The following KHDRBS2 variants were observed in gnomAD, a reference collection of about 807,000 sequenced individuals.
KHDRBS2 encodes the protein KH domain-containing, RNA-binding, signal transduction-associated protein 2.
Under a neutral mutation model 44.3 loss-of-function variants are expected in KHDRBS2, and 26 were observed. That is an observed-to-expected ratio of 0.59 (90% CI 0.43 to 0.81). The LOEUF is 0.81. KHDRBS2 is among the 40% of genes least tolerant of loss of function. The probability of loss-of-function intolerance (pLI) is 0.00; values close to 1 mark genes in which losing one functional copy is unlikely to be tolerated. For missense variants in KHDRBS2, 476 were observed against 433.1 expected (o/e 1.10, Z -0.88); for synonymous variants, 194 against 151.1 (o/e 1.28, Z -2.08).
intron 2 of KHDRBS2, among the ~76,000 whole-genome samples, chr6:62,052,502 T>C (rs575740604): frequency 1.3e-5 from 2 of 150,636 alleles, no homozygotes; most frequent in African/African-American, 4.9e-5. Context: ...ATGTAGGAGA[T>C]ATGTAGGATG....
intron 6 of KHDRBS2, among the ~76,000 whole-genome samples, chr6:61,736,212 T>TCACACACACACACACACACA (rs376298733): frequency 5.9e-5 from 8 of 135,646 alleles, no homozygotes; most frequent in Admixed American, 3.8e-4. Context: ...TTACTTTACT[T>TCACACACACACACACACACA]CACACACACA....
intron 2 of KHDRBS2, 127 bp from the exon 3 acceptor site, chr6:62,048,121 TACACACACACACACACACAC>T: frequency 2.5e-6 from 1 of 404,320 alleles, no homozygotes; most frequent in Non-Finnish European, 4.6e-6. Flanking sequence ...GCCATAAACA[TACACACACACACACACACAC>T]ACACACACAC....
intron 7 of KHDRBS2, among the ~76,000 whole-genome samples, chr6:61,699,083 C>A (rs1413120857): frequency 6.6e-6 from 1 of 152,044 alleles, no homozygotes; most frequent in Non-Finnish European, 1.5e-5. Flanking sequence ...AAATTGGTCT[C>A]TCATTTATTT....
intron 1 of KHDRBS2, among the ~76,000 whole-genome samples, chr6:62,206,091 T>C (rs1359286050): frequency 6.6e-6 from 1 of 152,162 alleles, no homozygotes; most frequent in Non-Finnish European, 1.5e-5. Context: ...CATCCATTCA[T>C]GCTATTTAAA....
At chr6:61,813,999 T>C (rs1001154882) in intron 6 of KHDRBS2, 1 of 455,848 alleles carries the variant, frequency 2.2e-6, no homozygotes, top group African/African-American at 2.0e-5. Context: ...AGCTTCGTCC[T>C]GGGTTAAGTC....
chr6:61,559,831 C>T, the KHDRBS2 span, among the ~76,000 whole-genome samples: 1 of 152,184 alleles, frequency 6.6e-6, no homozygotes, highest in Non-Finnish European at 1.5e-5. Flanking sequence ...TTCTGCATAA[C>T]ATATGAGCAG....
Position 61,848,313 on chromosome 6 carries a change from T to A in KHDRBS2, c.810+46322A>T, listed in dbSNP as rs570947292. On this transcript the variant is annotated intron_variant, in intron 6 of 8. Transcript: ENST00000281156. Reference sequence around the variant, plus strand: ...CCTCTATTTCATTCCACATTCAAAATCCTAGAGCTTGAAATACCTGTAGAA... The same window carrying A: ...CCTCTATTTCATTCCACATTCAAAAACCTAGAGCTTGAAATACCTGTAGAA... 1.2e-3 allele frequency among the ~76,000 whole-genome samples: 175 copies of A among 149,892 alleles called. 1 individual carries two copies. The highest frequency in any genetic ancestry group is 3.0e-4 in the Non-Finnish European group (20 of 67,548).
chr6:61,570,756 G>T, the KHDRBS2 span, among the ~76,000 whole-genome samples: 1 of 152,096 alleles, frequency 6.6e-6, no homozygotes. Context: ...AGGGATTGGG[G>T]TCCCATCTTT....
At chr6:61,593,197 C>A in the KHDRBS2 span, among the ~76,000 whole-genome samples, 1 of 152,058 alleles carries the variant, frequency 6.6e-6, no homozygotes, top group Non-Finnish European at 1.5e-5. Context: ...AGTCAATAGG[C>A]GTGAAGGCTG....
chr6:62,108,289 T>A (rs1310089237), intron 2 of KHDRBS2, among the ~76,000 whole-genome samples: 1 of 152,064 alleles, frequency 6.6e-6, no homozygotes, highest in African/African-American at 2.4e-5. Context: ...GCGAAGGACA[T>A]GAACAGACAC....
At chr6:61,743,671 T>G (rs1443823999) in intron 6 of KHDRBS2, among the ~76,000 whole-genome samples, 1 of 152,098 alleles carries the variant, frequency 6.6e-6, no homozygotes, top group Non-Finnish European at 1.5e-5. Flanking sequence ...AGGGTACATG[T>G]GCACAACGTG....
chr6:62,195,677 A>G (rs1825535339), intron 1 of KHDRBS2, among the ~76,000 whole-genome samples: 1 of 152,094 alleles, frequency 6.6e-6, no homozygotes, highest in Non-Finnish European at 1.5e-5. Context: ...GTACTTGATA[A>G]ATCTTCAGTG....
intron 2 of KHDRBS2, among the ~76,000 whole-genome samples, chr6:62,134,558 C>T (rs1414577764): frequency 3.3e-5 from 5 of 152,076 alleles, no homozygotes; most frequent in Admixed American, 6.5e-5. Flanking sequence ...AGAGGGCCAC[C>T]GTCCAACAGA....
chr6:62,254,489 C>A (rs189864237), intron 1 of KHDRBS2, among the ~76,000 whole-genome samples: 1 of 152,032 alleles, frequency 6.6e-6, no homozygotes, highest in East Asian at 1.9e-4. Flanking sequence ...CCACAGAAAA[C>A]CACTCTGTGC....
the KHDRBS2 span, among the ~76,000 whole-genome samples, chr6:61,565,215 G>A: frequency 2.0e-5 from 3 of 152,006 alleles, no homozygotes; most frequent in Admixed American, 6.6e-5. Context: ...ATGAAACTAT[G>A]AGAAGAAAAC....
chr6:61,906,927 C>G (rs1805143505), intron 4 of KHDRBS2, among the ~76,000 whole-genome samples: 1 of 150,822 alleles, frequency 6.6e-6, no homozygotes, highest in South Asian at 2.1e-4. Context: ...GTATACCTAA[C>G]AGTGGAACTG....
chr6:62,194,695 C>A (rs1825314635), intron 1 of KHDRBS2, among the ~76,000 whole-genome samples: 1 of 151,210 alleles, frequency 6.6e-6, no homozygotes, highest in South Asian at 2.1e-4. Flanking sequence ...TTAGTAGAGA[C>A]AGGGTTTCAC....
chr6:61,815,872 A>G (rs1788837710), intron 6 of KHDRBS2, among the ~76,000 whole-genome samples: 5 of 152,158 alleles, frequency 3.3e-5, no homozygotes. Flanking sequence ...AAGTCCTGAT[A>G]AATGTATTTT....
chr6:61,664,311 A>G, the KHDRBS2 span, among the ~76,000 whole-genome samples: 5,129 of 151,840 alleles, frequency 0.034, 280 homozygotes, highest in African/African-American at 0.12. Flanking sequence ...ATTTTGTAGC[A>G]TTTTGGATAT....
Sources: gnomAD v4.1 joint callset for allele counts (sites outside exome capture counted in the v4.1 genomes callset) on GRCh38, gnomAD v4.1.1 for gene constraint, MANE v1.5 for transcripts, NCBI Gene and HGNC (gene_info 2026-07-23, HGNC 2026-07-21) for gene names.